STAU2: variants seen among roughly 807,000 people sequenced by gnomAD.
STAU2 encodes staufen double-stranded RNA binding protein 2, also known as double-stranded RNA-binding protein Staufen homolog 2.
A neutral mutation model predicts 65.9 loss-of-function variants in STAU2; 20 were observed. That is an observed-to-expected ratio of 0.30 (90% CI 0.21 to 0.44). The LOEUF (loss-of-function observed/expected upper bound fraction) is 0.44, where lower values mean the gene tolerates loss of function less well. Ranked by LOEUF, STAU2 falls within the 20% of genes least tolerant of loss-of-function variation. The pLI, the probability that STAU2 is intolerant of heterozygous loss-of-function variation, is 1.00. For synonymous variants in STAU2, 232 were observed against 233.9 expected (o/e 0.99, Z 0.07); for missense variants, 558 against 683.9 (o/e 0.82, Z 2.05).
intron 13 of STAU2, among the ~76,000 whole-genome samples, chr8:73,449,231 G>A (rs1480172698): frequency 6.6e-6 from 1 of 152,224 alleles, no homozygotes; most frequent in Non-Finnish European, 1.5e-5. Flanking sequence ...TGAATCAACA[G>A]CAGCCAGTTC....
At chr8:73,445,829 T>A (rs1486431313) in intron 13 of STAU2, among the ~76,000 whole-genome samples, 3 of 152,212 alleles carry the variant, frequency 2.0e-5, no homozygotes, top group Non-Finnish European at 4.4e-5. Flanking sequence ...GACACCACCA[T>A]ACGCTAGAGA....
intron 6 of STAU2, among the ~76,000 whole-genome samples, chr8:73,641,065 A>G (rs1213524590): frequency 6.6e-6 from 1 of 152,216 alleles, no homozygotes; most frequent in East Asian, 1.9e-4. Context: ...TGAGTGATAC[A>G]AAGTTATTAG....
chr8:73,732,192 G>A (rs1806117837), intron 3 of STAU2, among the ~76,000 whole-genome samples: 1 of 152,166 alleles, frequency 6.6e-6, no homozygotes, highest in Admixed American at 6.5e-5. Context: ...GTTGGCTGTT[G>A]GCAGGAGGCC....
At chr8:73,710,045 T>TC (rs1272627708) in intron 3 of STAU2, among the ~76,000 whole-genome samples, 1 of 152,126 alleles carries the variant, frequency 6.6e-6, no homozygotes, top group Non-Finnish European at 1.5e-5. Context: ...ACTGAGACAC[T>TC]GGGTTGTTTC....
intron 12 of STAU2, among the ~76,000 whole-genome samples, chr8:73,573,986 A>C (rs1809317232): frequency 6.6e-6 from 1 of 152,308 alleles, no homozygotes; most frequent in South Asian, 2.1e-4. Flanking sequence ...AATAGGAGAA[A>C]ATTTTTGCAA....
rs185083392 is a variant in STAU2, at chr8:73,657,882, C to T, written c.410+15225G>A. ...TACAAAAATTAGCTGGGTGTGGTGG[C>T]GCACACCTGTAATCCCAGCTACTAG... On this transcript the variant is annotated intron_variant, in intron 6 of 14. Transcript: ENST00000524300. Among the ~76,000 whole-genome samples the T allele has an allele frequency of 4.6e-5, 7 of 151,878 alleles. No individual in the cohort carries two copies. The East Asian group carries it at 5.8e-4, about 13-fold the overall frequency.
intron 1 of STAU2, among the ~76,000 whole-genome samples, chr8:73,743,223 A>G (rs1029484834): frequency 6.7e-6 from 1 of 149,824 alleles, no homozygotes; most frequent in Non-Finnish European, 1.5e-5. Context: ...ACAGGCCAGA[A>G]AAAAAAAAAA....
chr8:73,550,583 C>T (rs193060066), intron 13 of STAU2: 110 of 977,916 alleles, frequency 1.1e-4, no homozygotes, highest in African/African-American at 1.0e-3. Context: ...ATTCATCCTA[C>T]GGAGATTATA....
chr8:73,566,363 A>G (rs1484292737), intron 12 of STAU2, among the ~76,000 whole-genome samples: 1 of 152,212 alleles, frequency 6.6e-6, no homozygotes, highest in Non-Finnish European at 1.5e-5. Flanking sequence ...AACATTTCAC[A>G]TAGTTTCTCA....
chr8:73,742,268 C>G (rs983071013), intron 1 of STAU2: 2 of 984,334 alleles, frequency 2.0e-6, no homozygotes, highest in African/African-American at 3.5e-5. Context: ...TGTGGTGGCT[C>G]ACGCCTGTAA....
intron 13 of STAU2, among the ~76,000 whole-genome samples, chr8:73,432,887 C>T (rs1191508177): frequency 6.6e-6 from 1 of 152,184 alleles, no homozygotes; most frequent in Non-Finnish European, 1.5e-5. Flanking sequence ...CGGAGAGACA[C>T]ATAGATTTTA....
At chr8:73,640,373 C>G (rs1226200912) in intron 6 of STAU2, among the ~76,000 whole-genome samples, 1 of 152,032 alleles carries the variant, frequency 6.6e-6, no homozygotes, top group African/African-American at 2.4e-5. Flanking sequence ...ACATAGCTTC[C>G]TATATTGGAT....
chr8:73,650,710 G>A (rs1586193296), intron 6 of STAU2, among the ~76,000 whole-genome samples: 2 of 152,086 alleles, frequency 1.3e-5, no homozygotes, highest in African/African-American at 2.4e-5. Flanking sequence ...TCACAAAAAG[G>A]GTGGGTTTTT....
chr8:73,721,343 T>C (rs1468728800), intron 3 of STAU2, among the ~76,000 whole-genome samples: 1 of 140,204 alleles, frequency 7.1e-6, no homozygotes, highest in Non-Finnish European at 1.5e-5. Flanking sequence ...ATACAGTTTA[T>C]CGTTGCAAAT....
chr8:73,582,901 C>T, intron 11 of STAU2, 71 bp from the exon 12 acceptor site: 1 of 1,448,882 alleles, frequency 6.9e-7, no homozygotes, highest in Non-Finnish European at 9.5e-7. Flanking sequence ...AAAAGGTGAC[C>T]AATTAAGCAA....
chr8:73,693,451 G>T (rs891790694), intron 4 of STAU2, among the ~76,000 whole-genome samples: 1 of 150,136 alleles, frequency 6.7e-6, no homozygotes, highest in African/African-American at 2.5e-5. Context: ...GTCCAGCCTG[G>T]GCGAAAGAGT....
chr8:73,713,927 G>C (rs2130668449), intron 3 of STAU2, among the ~76,000 whole-genome samples: 1 of 151,736 alleles, frequency 6.6e-6, no homozygotes, highest in Non-Finnish European at 1.5e-5. Context: ...TTTTGAGACA[G>C]AGTTTCACTC....
At chr8:73,725,606 G>A (rs962178825) in intron 3 of STAU2, among the ~76,000 whole-genome samples, 3 of 152,134 alleles carry the variant, frequency 2.0e-5, no homozygotes, top group Non-Finnish European at 4.4e-5. Context: ...AGACCAGCCT[G>A]GCCAACATGG....
At chr8:73,743,573 A>T (rs113283566) in intron 1 of STAU2, among the ~76,000 whole-genome samples, 4,744 of 149,700 alleles carry the variant, frequency 0.032, 234 homozygotes, top group African/African-American at 0.097. Flanking sequence ...TCCTGGTTTC[A>T]AATGATTCTC....
Sources: gnomAD v4.1 joint callset for allele counts (sites outside exome capture counted in the v4.1 genomes callset) on GRCh38, gnomAD v4.1.1 for gene constraint, MANE v1.5 for transcripts, NCBI Gene and HGNC (gene_info 2026-07-23, HGNC 2026-07-21) for gene names.